Variants in POLR1G observed in about 807,000 individuals in gnomAD.
The protein encoded by POLR1G is DNA-directed RNA polymerase I subunit RPA34.
A neutral mutation model predicts 6.3 loss-of-function variants in POLR1G; 9 were observed. That is an observed-to-expected ratio of 1.44 (90% confidence interval 0.87 to 2.51). The LOEUF (loss-of-function observed/expected upper bound fraction) is 2.51, where lower values mean the gene tolerates loss of function less well. POLR1G is among the 30% of genes most tolerant of loss of function. POLR1G has a pLI of 0.00. For missense variants in POLR1G, 617 were observed against 632.5 expected (o/e 0.98, Z 0.26); for synonymous variants, 248 against 256.5 (o/e 0.97, Z 0.32).
chr19:45,406,803 G>T lies in POLR1G; in HGVS notation c.22+85G>T. The T allele has an allele frequency of 7.6e-7, 1 of 1,307,854 alleles. No individual in the cohort carries two copies. Among genetic ancestry groups the T allele is most frequent in the Non-Finnish European group, 1.0e-6 (1 of 970,292 alleles). The allele number at this position is 1,307,854 out of a possible 1,614,324, so 81.0% of individuals were successfully genotyped here. A position where few individuals can be genotyped will look rare whatever the true frequency, so the allele number is the denominator to read the frequency against. ...CGAGAGGGTTCGGGCGGAAAAGGAGGCGTACCTGCAAGCAGGACTTGCGAA... is the reference window on the plus strand; with the variant it reads ...CGAGAGGGTTCGGGCGGAAAAGGAGTCGTACCTGCAAGCAGGACTTGCGAA... On this transcript the variant is annotated intron_variant, in intron 1 of 2. Coordinates refer to ENST00000309424, the MANE Select transcript of POLR1G (RefSeq NM_012099.3). The surrounding 1 kb of genome is among the most constrained non-coding windows in gnomAD (Gnocchi z 4.2).
rs1474986125 is a variant in POLR1G, at chr19:45,409,314, G to A, written c.1346G>A (p.Gly449Glu). The A allele has an allele frequency of 1.2e-6, 2 of 1,614,052 alleles. No individual in the cohort carries two copies. Among genetic ancestry groups the A allele is most frequent in the South Asian group, 2.2e-5 (2 of 91,064 alleles). The change falls in exon 3 of 3, where the codon GGA becomes GAA. Residue 449 changes from glycine to glutamate, a missense_variant. Physicochemically the swap from Gly to Glu is moderately conservative, Grantham distance 98. Transcript: ENST00000309424. ...CTAGAGCCTGAACTGCCAGGGGAGG[G>A]ACAGCCTGAAGCCAGGGCAACTCCG... ...QPLEPELPGE[G>E]QPEARATPGS...
At position 45,408,780 on chromosome 19, in the gene POLR1G, A is replaced by G. The variant is rs766287340; in HGVS notation, c.812A>G (p.Gln271Arg). The change falls in exon 3 of 3, where the codon CAG (glutamine) becomes CGG (arginine). Residue 271 changes from glutamine (Q) to arginine (R), a missense_variant. Physicochemically the swap from Gln to Arg is conservative, Grantham distance 43. Transcript: ENST00000309424. ...GAGCCAGAAGACAAGACAGTGAAGC[A>G]GGAACAGATTAACACTGAGCCTCTA... ...TFEPEDKTVK[Q>R]EQINTEPLED... The G allele has an allele frequency of 2.5e-6, 4 of 1,613,926 alleles. No homozygotes were observed. Among genetic ancestry groups the G allele is most frequent in the Non-Finnish European group, 2.5e-6 (3 of 1,180,008 alleles).
At position 45,408,180 on chromosome 19, in the gene POLR1G, G is replaced by C. The variant is rs1973463023; in HGVS notation, c.212G>C (p.Gly71Ala). The C allele has an allele frequency of 6.2e-7, 1 of 1,612,084 alleles. No homozygotes were observed. The highest frequency in any genetic ancestry group is 8.5e-7 in the Non-Finnish European group (1 of 1,178,598). Residue 71 changes from glycine (G) to alanine (A), a missense_variant, in exon 3 of 3, where the codon GGC (glycine) becomes GCC (alanine). Coordinates refer to ENST00000309424, the MANE Select transcript of POLR1G (RefSeq NM_012099.3). ...CTCTCTGGCTCCCAGATCGTCAAGG[G>C]CAAATTGGCAGGCAAGCGGCACCGC... Reference protein sequence around the residue: ...VPLSGSQIVKGKLAGKRHRYR... With the variant: ...VPLSGSQIVKAKLAGKRHRYR...
rs1209840998 is a variant in POLR1G at position 45,408,730 on chromosome 19, G to A, written c.762G>A (p.Lys254=). 1.9e-6 allele frequency: 3 copies of A among 1,614,018 alleles called. No homozygotes were observed. The Admixed American group carries it at 5.0e-5, about 27-fold the overall frequency. The change falls in exon 3 of 3, where the codon AAG becomes AAA. Residue 254 remains lysine (K), a synonymous_variant. Coordinates refer to ENST00000309424, the MANE Select transcript of POLR1G (RefSeq NM_012099.3). Reference sequence around the variant, plus strand: ...TCCCGTCCACCACCAAGAAGAGGAAGAAGCCCAAAGGGAAAGAAACCTTCG... The same window carrying A: ...TCCCGTCCACCACCAAGAAGAGGAAAAAGCCCAAAGGGAAAGAAACCTTCG... The part of the protein sequence containing the change: ...VLFPSTTKKR[K]KPKGKETFEP...
chr19:45,409,431 C>G lies in POLR1G; in HGVS notation c.1463C>G (p.Ser488Ter), dbSNP rs1029847463. ...GAGATGCCAGGGCCGCCACTGAATT[C>G]AGAGTCTGGGGAGGAGGCTCCCACA... ...QEEMPGPPLN[S>*]ESGEEAPTGR... The change falls in exon 3 of 3, where the codon TCA becomes TGA. Residue 488 changes from serine to a stop codon, truncating the protein, a stop_gained. Transcript: ENST00000309424. LOFTEE classifies it low-confidence loss of function (END_TRUNC). 1 of 1,613,676 alleles carries G rather than the reference C, an allele frequency of 6.2e-7. No individual in the cohort carries two copies. Among genetic ancestry groups the G allele is most frequent in the South Asian group, 1.1e-5 (1 of 91,078 alleles).
chr19:45,407,015 C>A (rs1395094225), intron 1 of POLR1G, 79 bp from the exon 2 acceptor site: 1 of 1,526,586 alleles, frequency 6.6e-7, no homozygotes, highest in Non-Finnish European at 8.8e-7. Context: ...AGGTTAAGAC[C>A]AATGGACCGA....
In POLR1G at chr19:45,408,793, C is replaced by T; in HGVS notation, c.825C>T (p.Asn275=). 1 of 1,613,902 alleles carries T rather than the reference C, an allele frequency of 6.2e-7. No homozygotes were observed. The highest frequency in any genetic ancestry group is 8.5e-7 in the Non-Finnish European group (1 of 1,179,998). Residue 275 remains asparagine, a synonymous_variant, in exon 3 of 3, where the codon AAC becomes AAT. Transcript: ENST00000309424. The stretch of plus-strand genomic sequence containing the variant: ...AGACAGTGAAGCAGGAACAGATTAA[C>T]ACTGAGCCTCTAGAAGACACAGTCC... ...EDKTVKQEQI[N]TEPLEDTVLS... is the part of the protein sequence containing the mutation.
In POLR1G at chr19:45,408,280, A is replaced by G. The variant is rs367886330; in HGVS notation, c.312A>G (p.Gly104=). ...CCCCCTCAACGGAGGCAGGAGGTGGACTCACCTGTGCCTCAGCCCCCCAGG... is the reference window on the plus strand; with the variant it reads ...CCCCCTCAACGGAGGCAGGAGGTGGGCTCACCTGTGCCTCAGCCCCCCAGG... ...LLAPSTEAGG[G]LTCASAPQGT... is the part of the protein sequence containing the mutation. The change falls in exon 3 of 3, where the codon GGA becomes GGG. Residue 104 remains glycine, a synonymous_variant. Coordinates refer to ENST00000309424, the MANE Select transcript of POLR1G (RefSeq NM_012099.3). 7.1e-5 allele frequency: 114 copies of G among 1,613,708 alleles called. No homozygotes were observed. The highest frequency in any genetic ancestry group is 9.5e-5 in the Non-Finnish European group (112 of 1,179,886).
At position 45,409,249 on chromosome 19, in the gene POLR1G, G is replaced by T; in HGVS notation, c.1281G>T (p.Lys427Asn). 1 of 1,595,192 alleles carries T rather than the reference G, an allele frequency of 6.3e-7. No individual in the cohort carries two copies. The highest frequency in any genetic ancestry group is 1.1e-5 in the South Asian group (1 of 90,030). Residue 427 changes from lysine to asparagine, a missense_variant, in exon 3 of 3, where the codon AAG becomes AAT. Coordinates refer to ENST00000309424, the MANE Select transcript of POLR1G (RefSeq NM_012099.3). ...APTSTKKKKK[K>N]KERGHTVTEP... is the part of the protein sequence containing the mutation. The stretch of plus-strand genomic sequence containing the variant: ...CATCCACCAAGAAGAAGAAGAAGAA[G>T]AAAGAGAGAGGTCACACAGTGACTG...
At position 45,406,778 on chromosome 19, in the gene POLR1G, CGA is replaced by C; in HGVS notation, c.22+64_22+65del. 6.9e-7 allele frequency: 1 copy of C among 1,451,022 alleles called. No homozygotes were observed. The highest frequency in any genetic ancestry group is 9.2e-7 in the Non-Finnish European group (1 of 1,090,940). The allele number at this position is 1,451,022 out of a possible 1,614,324, so 89.9% of individuals were successfully genotyped here. A position where few individuals can be genotyped will look rare whatever the true frequency, so the allele number is the denominator to read the frequency against. The stretch of plus-strand genomic sequence containing the variant: ...GTTGGTGGAAGGAGAAAGGGGCGTC[CGA>C]GAGGGTTCGGGCGGAAAAGGAGGCG... On this transcript the variant is annotated intron_variant, in intron 1 of 2. Coordinates refer to ENST00000309424, the MANE Select transcript of POLR1G (RefSeq NM_012099.3). The surrounding 1 kb of genome is among the most constrained non-coding windows in gnomAD (Gnocchi z 4.2).
Position 45,410,483 on chromosome 19 carries a change from A to G in POLR1G, c.*982A>G, listed in dbSNP as rs1191089705. 6.6e-6 allele frequency: 1 copy of G among 151,914 alleles called. No homozygotes were observed. Among genetic ancestry groups the G allele is most frequent in the Non-Finnish European group, 1.5e-5 (1 of 68,008 alleles). 9.4% of individuals were successfully genotyped at this position (151,914 alleles called of 1,614,324 possible). A position where few individuals can be genotyped will look rare whatever the true frequency, so the allele number is the denominator to read the frequency against. ...CAGGTGTGAGCCACCGCACCCTGCC[A>G]AGTTATTTTAAAATGTACCATTATT... On this transcript the variant is annotated 3_prime_UTR_variant, in exon 3 of 3. Transcript: ENST00000309424.
Position 45,406,962 on chromosome 19 carries a change from G to A in POLR1G, c.23-132G>A. On this transcript the variant is annotated intron_variant, in intron 1 of 2. Coordinates refer to ENST00000309424, the MANE Select transcript of POLR1G (RefSeq NM_012099.3). This position sits in a 1 kb window ranked among gnomAD's most constrained non-coding sequence, Gnocchi z 4.2. ...TGAGGTCGCCCCTGGGGAACAGGTG[G>A]GCAGAAAGGAGAAACCAGGTTGAGG... The A allele has an allele frequency of 7.8e-7, 1 of 1,283,162 alleles. No individual in the cohort carries two copies. Among genetic ancestry groups the A allele is most frequent in the Non-Finnish European group, 1.1e-6 (1 of 936,478 alleles). 79.5% of individuals were successfully genotyped at this position (1,283,162 alleles called of 1,614,324 possible). A position where few individuals can be genotyped will look rare whatever the true frequency, so the allele number is the denominator to read the frequency against.
At position 45,406,744 on chromosome 19, in the gene POLR1G, G is replaced by A. The variant is rs35780931; in HGVS notation, c.22+26G>A. On this transcript the variant is annotated intron_variant, in intron 1 of 2. Transcript: ENST00000309424. The surrounding 1 kb of genome is among the most constrained non-coding windows in gnomAD (Gnocchi z 4.2). ...GTGAGGGTGCGGGTTGACGGGGTGC[G>A]GAGGGTGCGTTGGTGGAAGGAGAAA... 7.4e-3 allele frequency: 11,319 copies of A among 1,519,448 alleles called. 633 individuals carry two copies. The African/African-American group carries it at 0.13, about 18-fold the overall frequency. 94.1% of individuals were successfully genotyped at this position (1,519,448 alleles called of 1,614,324 possible).
rs1265683216 is a variant in POLR1G, at chr19:45,408,652, G to A, written c.684G>A (p.Gly228=). 1 of 1,613,762 alleles carries A rather than the reference G, an allele frequency of 6.2e-7. No individual in the cohort carries two copies. Among genetic ancestry groups the A allele is most frequent in the Non-Finnish European group, 8.5e-7 (1 of 1,180,010 alleles). The change falls in exon 3 of 3, where the codon GGG becomes GGA. Residue 228 remains glycine (G), a synonymous_variant. Transcript: ENST00000309424. The part of the protein sequence containing the change: ...NQQLKEPEAA[G]PVGTEPTVET... ...AGCTGAAAGAACCAGAGGCAGCAGG[G>A]CCTGTGGGGACAGAGCCCACAGTGG...
In POLR1G at chr19:45,408,769, G is replaced by C. The variant is rs758241432; in HGVS notation, c.801G>C (p.Lys267Asn). The C allele has an allele frequency of 3.1e-6, 5 of 1,613,846 alleles. No individual in the cohort carries two copies. In the Admixed American group the frequency reaches 5.0e-5, roughly 16 times the overall value. ...KGKETFEPED[K>N]TVKQEQINTE... ...AAGAAACCTTCGAGCCAGAAGACAA[G>C]ACAGTGAAGCAGGAACAGATTAACA... Residue 267 changes from lysine (K) to asparagine (N), a missense_variant, in exon 3 of 3, where the codon AAG (lysine) becomes AAC (asparagine). Transcript: ENST00000309424.
chr19:45,409,017 T>C lies in POLR1G; in HGVS notation c.1049T>C (p.Val350Ala). ...MEPGTEAMEP[V>A]EPEMKPLESP... ...CCAGGGACGGAGGCGATGGAGCCAG[T>C]GGAGCCGGAGATGAAGCCTCTGGAG... Residue 350 changes from valine to alanine, a missense_variant, in exon 3 of 3, where the codon GTG becomes GCG. Physicochemically the swap from Val to Ala is moderately conservative, Grantham distance 64 (BLOSUM62 0). Transcript: ENST00000309424. The C allele has an allele frequency of 6.2e-7, 1 of 1,613,942 alleles. No homozygotes were observed. The highest frequency in any genetic ancestry group is 8.5e-7 in the Non-Finnish European group (1 of 1,179,952).
intron 2 of POLR1G, chr19:45,407,464 A>G (rs1973414412): frequency 2.0e-6 from 1 of 512,784 alleles, no homozygotes; most frequent in African/African-American, 2.0e-5. Context: ...AACTATAGTT[A>G]AACTTGGAGT....
Position 45,406,712 on chromosome 19 carries a change from G to C in POLR1G, c.16G>C (p.Ala6Pro), listed in dbSNP as rs1368688038. 6.5e-7 allele frequency: 1 copy of C among 1,533,564 alleles called. No individual in the cohort carries two copies. The highest frequency in any genetic ancestry group is 2.2e-5 in the Admixed American group (1 of 45,282). 95.0% of individuals were successfully genotyped at this position (1,533,564 alleles called of 1,614,324 possible). A position where few individuals can be genotyped will look rare whatever the true frequency, so the allele number is the denominator to read the frequency against. The part of the protein sequence containing the change: MEEPQ[A>P]GDAARFSCPP... ...GGGTCCCAGGATGGAGGAGCCCCAGGCCGGCGGTGAGGGTGCGGGTTGACG... is the reference window on the plus strand; with the variant it reads ...GGGTCCCAGGATGGAGGAGCCCCAGCCCGGCGGTGAGGGTGCGGGTTGACG... The change falls in exon 1 of 3, where the codon GCC becomes CCC. Residue 6 changes from alanine (A) to proline (P), a missense_variant. Ala to Pro is a conservative substitution (Grantham distance 27). Transcript: ENST00000309424. This position sits in a 1 kb window ranked among gnomAD's most constrained non-coding sequence, Gnocchi z 4.2.
chr19:45,408,383 C>T lies in POLR1G; in HGVS notation c.415C>T (p.Pro139Ser). ...PLQPIPASPP[P>S]QIPPGLRPRF... The stretch of plus-strand genomic sequence containing the variant: ...GCAGCCCATCCCAGCAAGTCCCCCA[C>T]CACAGATCCCTCCTGGCCTGAGGCC... Residue 139 changes from proline to serine, a missense_variant, in exon 3 of 3, where the codon CCA (proline) becomes TCA (serine). Coordinates refer to ENST00000309424, the MANE Select transcript of POLR1G (RefSeq NM_012099.3). The T allele has an allele frequency of 1.2e-6, 2 of 1,610,844 alleles. No individual in the cohort carries two copies. Among genetic ancestry groups the T allele is most frequent in the African/African-American group, 1.3e-5 (1 of 75,012 alleles).
Sources: gnomAD v4.1 joint callset for allele counts on GRCh38, gnomAD v4.1.1 for gene constraint, Gnocchi (gnomAD v3.1) non-coding constraint, MANE v1.5 for transcripts, NCBI Gene and HGNC (gene_info 2026-07-23, HGNC 2026-07-21) for gene names.